The following UPF2 variants were observed in gnomAD, a reference collection of about 807,000 sequenced individuals.
The protein encoded by UPF2 is regulator of nonsense transcripts 2.
A neutral mutation model predicts 141.4 loss-of-function variants in UPF2; 17 were observed. The observed-to-expected ratio is 0.12, with a 90% confidence interval of 0.08 to 0.18. The LOEUF (loss-of-function observed/expected upper bound fraction) is 0.18. Ranked by LOEUF, UPF2 falls within the 10% of genes least tolerant of loss-of-function variation. The pLI, the probability that UPF2 is intolerant of heterozygous loss-of-function variation, is 1.00. For missense variants in UPF2, 1,152 were observed against 1,515.9 expected (o/e 0.76, Z 3.99); for synonymous variants, 540 against 498.0 (o/e 1.08, Z -1.12).
Position 11,931,268 on chromosome 10 carries a change from A to C in UPF2, c.3688+373T>G, listed in dbSNP as rs1832778977. 6.6e-6 allele frequency among the ~76,000 whole-genome samples: 1 copy of C among 152,208 alleles called. No individual in the cohort carries two copies. The highest frequency in any genetic ancestry group is 2.1e-4 in the South Asian group (1 of 4,830). Reference sequence around the variant, plus strand: ...CATCTAGGTTTGTCAAGTACACTCTATGATGTTTGCACAATGATGAAATTG... The same window carrying C: ...CATCTAGGTTTGTCAAGTACACTCTCTGATGTTTGCACAATGATGAAATTG... On this transcript the variant is annotated intron_variant, in intron 20 of 21. Coordinates refer to ENST00000357604, the MANE Select transcript of UPF2 (RefSeq NM_015542.4). This position sits in a 1 kb window ranked among gnomAD's most constrained non-coding sequence, Gnocchi z 5.9.
At position 11,942,778 on chromosome 10, in the gene UPF2, AC is replaced by A. The variant is rs1307073548; in HGVS notation, c.3280-16del. 5.0e-6 allele frequency: 8 copies of A among 1,609,678 alleles called. No homozygotes were observed. Among genetic ancestry groups the A allele is most frequent in the Non-Finnish European group, 5.9e-6 (7 of 1,177,550 alleles). ...ATCATTACCTCCTTATTAAAACAAA[AC>A]AACAAAATCAGACCAGAAATTTTAA... On this transcript the variant is annotated splice_polypyrimidine_tract_variant and intron_variant, in intron 17 of 21. Transcript: ENST00000357604.
intron 8 of UPF2, among the ~76,000 whole-genome samples, chr10:11,983,892 CTAGTTT>C (rs1833641805): frequency 6.6e-6 from 1 of 151,990 alleles, no homozygotes; most frequent in Admixed American, 6.6e-5. Context: ...GTTAAGCTTC[CTAGTTT>C]TATTCTATTT....
chr10:11,967,610 T>A (rs565093395), intron 9 of UPF2, among the ~76,000 whole-genome samples, 156 bp from the exon 10 acceptor site: 1 of 145,496 alleles, frequency 6.9e-6, no homozygotes, highest in African/African-American at 2.6e-5. Context: ...AGTGCAACGG[T>A]GCAATCTTGG....
intron 18 of UPF2, among the ~76,000 whole-genome samples, chr10:11,938,860 T>TTTG (rs1832893075): frequency 2.8e-5 from 2 of 71,360 alleles, no homozygotes; most frequent in South Asian, 1.9e-3. Context: ...TTTGTTTTTT[T>TTTG]TTTTTTTTTT....
At chr10:11,995,787 A>T (rs1833855926) in intron 8 of UPF2, among the ~76,000 whole-genome samples, 1 of 152,150 alleles carries the variant, frequency 6.6e-6, no homozygotes, top group Non-Finnish European at 1.5e-5. Context: ...GTATCAAAAA[A>T]AAAGAGGTTT....
intron 3 of UPF2, among the ~76,000 whole-genome samples, chr10:12,028,095 TA>T (rs1834452093): frequency 1.3e-5 from 2 of 152,162 alleles, no homozygotes; most frequent in African/African-American, 2.4e-5. Flanking sequence ...CACAGTAGTC[TA>T]CCATACCTTT....
rs377514782 is a variant in UPF2, at chr10:11,931,580, A to T, written c.3688+61T>A. ...ATGACATGAGAAGATGAGACAAAATAACAATTTTGATGCTCAAAAGGCAAC... is the reference window on the plus strand; with the variant it reads ...ATGACATGAGAAGATGAGACAAAATTACAATTTTGATGCTCAAAAGGCAAC... On this transcript the variant is annotated intron_variant, in intron 20 of 21. Transcript: ENST00000357604. The surrounding 1 kb of genome is among the most constrained non-coding windows in gnomAD (Gnocchi z 5.9). 100 of 1,473,926 alleles carry T rather than the reference A, an allele frequency of 6.8e-5. No homozygotes were observed. In the East Asian group the frequency reaches 8.5e-4, roughly 13 times the overall value. The allele number at this position is 1,473,926 out of a possible 1,614,324, so 91.3% of individuals were successfully genotyped here.
In UPF2 at chr10:11,953,362, A is replaced by G. The variant is rs948640277; in HGVS notation, c.2851-1113T>C. The stretch of plus-strand genomic sequence containing the variant: ...TCCCCAGGGGACATGGATGCACAGG[A>G]AAGTTTAAAAGCACTGCTCCAGGGG... On this transcript the variant is annotated intron_variant, in intron 14 of 21. Coordinates refer to ENST00000357604, the MANE Select transcript of UPF2 (RefSeq NM_015542.4). This position sits in a 1 kb window ranked among gnomAD's most constrained non-coding sequence, Gnocchi z 5.0. Among the ~76,000 whole-genome samples the G allele has an allele frequency of 2.6e-5, 4 of 152,156 alleles. No homozygotes were observed. Among genetic ancestry groups the G allele is most frequent in the Admixed American group, 1.3e-4 (2 of 15,276 alleles).
rs183129733 is a variant in UPF2 at position 11,955,033 on chromosome 10, T to C, written c.2850+199A>G. ...CAATCATTATCAATCATAAAAGTTA[T>C]ATGCAATGAGAATGTTCATACAATA... is the stretch of plus-strand genomic sequence containing the variant. On this transcript the variant is annotated intron_variant, in intron 14 of 21. Coordinates refer to ENST00000357604, the MANE Select transcript of UPF2 (RefSeq NM_015542.4). Among the ~76,000 whole-genome samples the C allele has an allele frequency of 3.2e-3, 484 of 152,172 alleles. No homozygotes were observed. Among genetic ancestry groups the C allele is most frequent in the Non-Finnish European group, 5.9e-3 (403 of 68,008 alleles).
At position 11,920,633 on chromosome 10, in the gene UPF2, T is replaced by C; in HGVS notation, c.*665A>G. ...TAGTCTCCACATTTTTCTTTTACCT[T>C]AATAGGCAATTTTATAGCACTGACT... On this transcript the variant is annotated 3_prime_UTR_variant, in exon 22 of 22. Transcript: ENST00000357604. 4.9e-6 allele frequency: 1 copy of C among 203,350 alleles called. No homozygotes were observed. Among genetic ancestry groups the C allele is most frequent in the East Asian group, 1.2e-4 (1 of 8,196 alleles). 12.6% of individuals were successfully genotyped at this position (203,350 alleles called of 1,614,324 possible).
chr10:11,961,427 C>T (rs541126602), intron 11 of UPF2, among the ~76,000 whole-genome samples: 1 of 151,630 alleles, frequency 6.6e-6, no homozygotes, highest in South Asian at 2.1e-4. Context: ...AGCACGCATG[C>T]AGAGGCCCAA....
chr10:12,004,111 C>T (rs926182659), intron 5 of UPF2, among the ~76,000 whole-genome samples: 1 of 152,014 alleles, frequency 6.6e-6, no homozygotes, highest in Non-Finnish European at 1.5e-5. Flanking sequence ...TATTAACGAC[C>T]TAAAAGCTCT....
chr10:11,957,602 C>T (rs1833173809), intron 12 of UPF2, among the ~76,000 whole-genome samples: 3 of 151,736 alleles, frequency 2.0e-5, no homozygotes, highest in South Asian at 2.1e-4. Context: ...TACAACCCTC[C>T]GCCTCCAGGG....
At position 11,942,329 on chromosome 10, in the gene UPF2, T is replaced by G. The variant is rs564543823; in HGVS notation, c.3378+336A>C. Among the ~76,000 whole-genome samples, 11 of 152,096 alleles carry G rather than the reference T, an allele frequency of 7.2e-5. No homozygotes were observed. The South Asian group carries it at 1.2e-3, about 17-fold the overall frequency. ...CAGAGGTTGCAGTGAGCTGAGATCG[T>G]GCCACTGCACTCCAGCCTGGGCAAC... On this transcript the variant is annotated intron_variant, in intron 18 of 21. Transcript: ENST00000357604.
Position 11,946,266 on chromosome 10 carries a change from G to A in UPF2, c.3174+2103C>T, listed in dbSNP as rs376440945. 9.9e-5 allele frequency among the ~76,000 whole-genome samples: 15 copies of A among 152,130 alleles called. No homozygotes were observed. The South Asian group carries it at 2.9e-3, about 29-fold the overall frequency. ...TTTCCAATAAGTTACAAAGCTTTAG[G>A]GCTAAAGGAAACACAGCCTTATGGA... On this transcript the variant is annotated intron_variant, in intron 16 of 21. Coordinates refer to ENST00000357604, the MANE Select transcript of UPF2 (RefSeq NM_015542.4).
At chr10:11,942,423 C>T (rs1186227021) in intron 18 of UPF2, among the ~76,000 whole-genome samples, 1 of 152,068 alleles carries the variant, frequency 6.6e-6, no homozygotes, top group Non-Finnish European at 1.5e-5. Context: ...AAGATTGGCA[C>T]AATGAAATTA....
At chr10:11,967,554 T>C in intron 9 of UPF2, 100 bp from the exon 10 acceptor site, 1 of 742,544 alleles carries the variant, frequency 1.3e-6, no homozygotes, top group Non-Finnish European at 2.0e-6. Flanking sequence ...CAGTTTTTTT[T>C]TTTTTTTTTT....
chr10:11,975,351 A>T lies in UPF2; in HGVS notation c.1953+3706T>A, dbSNP rs568541965. On this transcript the variant is annotated intron_variant, in intron 9 of 21. Transcript: ENST00000357604. ...AACACAGAAAATTAGAACGGAAAAG[A>T]ATTCCTCATGTTCCCACCATCCAAA... Among the ~76,000 whole-genome samples, 14 of 152,328 alleles carry T rather than the reference A, an allele frequency of 9.2e-5. No homozygotes were observed. The South Asian group carries it at 2.9e-3, about 32-fold the overall frequency.
At chr10:11,938,868 T>TTTTTTTTTTGTTTTG (rs1832897114) in intron 18 of UPF2, among the ~76,000 whole-genome samples, 3 of 90,854 alleles carry the variant, frequency 3.3e-5, no homozygotes, top group African/African-American at 1.1e-4. Flanking sequence ...TTTTTTTTTT[T>TTTTTTTTTTGTTTTG]TTTTTTTTTT....
Sources: gnomAD v4.1 joint callset for allele counts (sites outside exome capture counted in the v4.1 genomes callset) on GRCh38, gnomAD v4.1.1 for gene constraint, Gnocchi (gnomAD v3.1) non-coding constraint, MANE v1.5 for transcripts, NCBI Gene and HGNC (gene_info 2026-07-23, HGNC 2026-07-21) for gene names.